Variants in DNAH5 observed in about 807,000 individuals in gnomAD.
DNAH5 encodes axonemal beta dynein heavy chain 5.
DNAH5 carries 372 observed loss-of-function variants against 518.2 expected under a neutral mutation model. That is an observed-to-expected ratio of 0.72 (90% CI 0.66 to 0.78). The LOEUF (loss-of-function observed/expected upper bound fraction) is 0.78, where lower values mean the gene tolerates loss of function less well. Ranked by LOEUF, DNAH5 falls within the 30% of genes least tolerant of loss-of-function variation. The pLI, the probability that DNAH5 is intolerant of heterozygous loss-of-function variation, is 0.00. For synonymous variants in DNAH5, 2,039 were observed against 2,025.9 expected (o/e 1.01, Z -0.17); for missense variants, 5,523 against 5,687.0 (o/e 0.97, Z 0.93).
intron 25 of DNAH5, 85 bp from the exon 26 acceptor site, chr5:13,866,367 T>A: frequency 1.8e-6 from 2 of 1,116,190 alleles, no homozygotes; most frequent in Non-Finnish European, 2.6e-6. Flanking sequence ...AATATTAAAG[T>A]TAGGTTTCAT....
chr5:13,719,665 G>T (rs1009247632), intron 71 of DNAH5, among the ~76,000 whole-genome samples: 1 of 152,116 alleles, frequency 6.6e-6, no homozygotes, highest in Non-Finnish European at 1.5e-5. Flanking sequence ...GCAAAACAGG[G>T]TCTAGATTGG....
intron 30 of DNAH5, among the ~76,000 whole-genome samples, chr5:13,856,386 T>C (rs183227757): frequency 1.3e-5 from 2 of 152,194 alleles, no homozygotes; most frequent in African/African-American, 4.8e-5. Context: ...ACAAATAAAC[T>C]AGAAAATCTA....
At chr5:13,913,073 A>G (rs1296483529) in intron 11 of DNAH5, among the ~76,000 whole-genome samples, 2 of 152,050 alleles carry the variant, frequency 1.3e-5, no homozygotes, top group Admixed American at 6.5e-5. Context: ...AAATTCAAGT[A>G]CCAAAAAAAA....
intron 1 of DNAH5, among the ~76,000 whole-genome samples, chr5:13,956,277 AT>A (rs1581037782): frequency 6.6e-6 from 1 of 152,172 alleles, no homozygotes; most frequent in South Asian, 2.1e-4. Context: ...ATGCTGGGAT[AT>A]TTTTTAAAAT....
intron 47 of DNAH5, among the ~76,000 whole-genome samples, chr5:13,798,741 TTTATTTATTTATTTA>T (rs1758244041): frequency 2.1e-4 from 5 of 23,896 alleles, no homozygotes; most frequent in Non-Finnish European, 4.3e-4. Flanking sequence ...TTTTATTTAT[TTTATTTATTTATTTA>T]TTTATTTATT....
At chr5:13,906,100 C>T (rs1267286209) in intron 12 of DNAH5, among the ~76,000 whole-genome samples, 3 of 152,064 alleles carry the variant, frequency 2.0e-5, no homozygotes, top group Admixed American at 6.5e-5. Flanking sequence ...TAGTAGTTAC[C>T]GGGAGAGGGA....
At chr5:13,996,722 T>A (rs965148304) in intron 1 of DNAH5, among the ~76,000 whole-genome samples, 1 of 152,244 alleles carries the variant, frequency 6.6e-6, no homozygotes, top group Non-Finnish European at 1.5e-5. Context: ...CCTGGCCCCA[T>A]GGCTTTGCTG....
At chr5:13,982,254 C>T (rs1026822043) in intron 1 of DNAH5, among the ~76,000 whole-genome samples, 2 of 152,262 alleles carry the variant, frequency 1.3e-5, no homozygotes, top group African/African-American at 4.8e-5. Context: ...ATTTGTTACA[C>T]CCTCATGCCC....
Position 13,811,738 on chromosome 5 carries a change from C to T in DNAH5, c.7316G>A (p.Cys2439Tyr). 1 of 1,614,124 alleles carries T rather than the reference C, an allele frequency of 6.2e-7. No homozygotes were observed. Among genetic ancestry groups the T allele is most frequent in the Non-Finnish European group, 8.5e-7 (1 of 1,180,016 alleles). ...TESFPDLYRF[C>Y]IQNLEYKMEV... The stretch of plus-strand genomic sequence containing the variant: ...CATCTTGTATTCTAAGTTCTGGATA[C>T]AGAAGCGATACAAGTCTGGGAAAGA... The change falls in exon 44 of 79, where the codon TGT (cysteine) becomes TAT (tyrosine). Residue 2439 changes from cysteine to tyrosine, a missense_variant. This residue lies in a region of DNAH5 where 5,121 missense variants were observed against 5,223.3 expected (regional missense o/e 0.98). Coordinates refer to ENST00000265104, the MANE Select transcript of DNAH5 (RefSeq NM_001369.3).
intron 1 of DNAH5, among the ~76,000 whole-genome samples, chr5:13,995,141 G>GT: frequency 6.6e-6 from 1 of 152,226 alleles, no homozygotes; most frequent in East Asian, 1.9e-4. Context: ...ATCTGTGTAG[G>GT]TTTTTCAGCA....
rs762564245 is a variant in DNAH5 at position 13,714,507 on chromosome 5, G to C, written c.13023C>G (p.Pro4341=). ...CATCCCCTCCACCAGAGGTGTCCTT[G>C]GGTTGGATGCCTAGGATGGTGTCCA... is the stretch of plus-strand genomic sequence containing the variant. ...DVLDTILGIQ[P]KDTSGGGDET... The change falls in exon 75 of 79, where the codon CCC becomes CCG. Residue 4341 remains proline (P), a synonymous_variant. Coordinates refer to ENST00000265104, the MANE Select transcript of DNAH5 (RefSeq NM_001369.3). The C allele has an allele frequency of 1.3e-5, 21 of 1,614,094 alleles. No individual in the cohort carries two copies. The highest frequency in any genetic ancestry group is 1.8e-5 in the Non-Finnish European group (21 of 1,180,006).
At chr5:13,902,558 C>G (rs115517022) in intron 12 of DNAH5, among the ~76,000 whole-genome samples, 5 of 152,246 alleles carry the variant, frequency 3.3e-5, no homozygotes, top group African/African-American at 1.2e-4. Context: ...CTGCCCAAAC[C>G]CTTGAATAGG....
In DNAH5 at chr5:13,691,853, G is replaced by A; in HGVS notation, c.*131C>T. On this transcript the variant is annotated 3_prime_UTR_variant, in exon 79 of 79. Coordinates refer to ENST00000265104, the MANE Select transcript of DNAH5 (RefSeq NM_001369.3). Reference sequence around the variant, plus strand: ...TATAAGCATCCAATTAAGGAGTGGGGAAAACCTATGCAGCTCATTAATTGC... The same window carrying A: ...TATAAGCATCCAATTAAGGAGTGGGAAAAACCTATGCAGCTCATTAATTGC... 2 of 1,086,738 alleles carry A rather than the reference G, an allele frequency of 1.8e-6. No homozygotes were observed. The highest frequency in any genetic ancestry group is 1.4e-5 in the South Asian group (1 of 71,282). 67.3% of individuals were successfully genotyped at this position (1,086,738 alleles called of 1,614,324 possible). A position where few individuals can be genotyped will look rare whatever the true frequency, so the allele number is the denominator to read the frequency against.
chr5:13,797,316 A>G (rs1757985477), intron 47 of DNAH5, among the ~76,000 whole-genome samples: 1 of 152,232 alleles, frequency 6.6e-6, no homozygotes, highest in Admixed American at 6.5e-5. Context: ...AAAAAGGGCT[A>G]ATATCCAGAA....
intron 12 of DNAH5, among the ~76,000 whole-genome samples, chr5:13,911,099 C>T (rs148017367): frequency 6.6e-6 from 1 of 152,228 alleles, no homozygotes; most frequent in Non-Finnish European, 1.5e-5. Flanking sequence ...CCAATCGTGC[C>T]GCAATGTTCA....
Position 13,830,600 on chromosome 5 carries a change from TA to T in DNAH5, c.6057del (p.Phe2019LeufsTer35). 6.2e-7 allele frequency: 1 copy of T among 1,614,146 alleles called. No homozygotes were observed. The highest frequency in any genetic ancestry group is 2.2e-5 in the East Asian group (1 of 44,872). ...QMDFRGLGRI[F>X]KGLAQSGSWG... ...GATTAAAAAATATAACCCATACCCT[TA>T]AAAATCCGTCCAAGTCCTCGGAAAT... On this transcript the variant is annotated frameshift_variant, in exon 36 of 79. Transcript: ENST00000265104. LOFTEE classifies it high-confidence loss of function.
rs143171012 is a variant in DNAH5, at chr5:13,956,409, T to C, written c.13-25165A>G. Among the ~76,000 whole-genome samples, 523 of 152,310 alleles carry C rather than the reference T, an allele frequency of 3.4e-3. 4 individuals carry two copies. Among genetic ancestry groups the C allele is most frequent in the African/African-American group, 0.012 (494 of 41,578 alleles). ...TGTGTATAGTCATCAACCAAAACTA[T>C]TTTCTCTCATTAAGTAATACCTCTA... On this transcript the variant is annotated intron_variant, in intron 1 of 78. Transcript: ENST00000681290.
intron 70 of DNAH5, among the ~76,000 whole-genome samples, chr5:13,721,646 T>G (rs765229655): frequency 6.6e-6 from 1 of 152,238 alleles, no homozygotes; most frequent in South Asian, 2.1e-4. Flanking sequence ...TGGGTACTGA[T>G]TAAATAGATA....
chr5:13,744,618 T>C (rs995057665), intron 65 of DNAH5, among the ~76,000 whole-genome samples: 6 of 152,206 alleles, frequency 3.9e-5, no homozygotes, highest in South Asian at 2.1e-4. Context: ...AATTACTATA[T>C]GTCAATTAAA....
Sources: gnomAD v4.1 joint callset for allele counts (sites outside exome capture counted in the v4.1 genomes callset) on GRCh38, gnomAD v4.1.1 for gene constraint, gnomAD v4.1.1 regional missense constraint, MANE v1.5 for transcripts, NCBI Gene and HGNC (gene_info 2026-07-23, HGNC 2026-07-21) for gene names.